The following ABCD3 variants were observed in gnomAD, a reference collection of about 807,000 sequenced individuals.
The protein encoded by ABCD3 is ATP binding cassette subfamily D member 3, also known as ATP-binding cassette sub-family D member 3.
In ABCD3, 41 loss-of-function variants were observed where a neutral mutation model predicts 105.5. That is an observed-to-expected ratio of 0.39 (90% CI 0.30 to 0.50). ABCD3 has a LOEUF of 0.50. ABCD3 is among the 20% of genes least tolerant of loss of function. ABCD3 has a pLI of 0.84. For missense variants in ABCD3, 622 were observed against 806.3 expected (o/e 0.77, Z 2.77); for synonymous variants, 258 against 269.0 (o/e 0.96, Z 0.40).
At chr1:94,438,345 A>ACACACACACAC (rs1553168372) in intron 1 of ABCD3, among the ~76,000 whole-genome samples, 1 of 108,888 alleles carries the variant, frequency 9.2e-6, no homozygotes, top group Non-Finnish European at 2.1e-5. Flanking sequence ...CACACACACA[A>ACACACACACAC]ACTTGAAAGG....
intron 4 of ABCD3, chr1:94,472,239 A>G (rs1384151996): frequency 1.0e-6 from 1 of 980,102 alleles, no homozygotes; most frequent in East Asian, 1.1e-4. Flanking sequence ...CTGCTACTCC[A>G]ATGGTAAACC....
intron 4 of ABCD3, among the ~76,000 whole-genome samples, chr1:94,469,491 G>GTTT (rs3072753): frequency 3.6e-5 from 5 of 137,288 alleles, no homozygotes; most frequent in Middle Eastern, 3.7e-3. Flanking sequence ...GTGCACATTA[G>GTTT]TTTTTTTTTT....
chr1:94,425,299 A>T (rs1222599078), intron 1 of ABCD3, among the ~76,000 whole-genome samples: 1 of 152,200 alleles, frequency 6.6e-6, no homozygotes, highest in Non-Finnish European at 1.5e-5. Flanking sequence ...TTTTACAGTT[A>T]TAACGTACAT....
intron 10 of ABCD3, among the ~76,000 whole-genome samples, chr1:94,485,094 G>T (rs1649220967): frequency 6.6e-6 from 1 of 152,118 alleles, no homozygotes; most frequent in Admixed American, 6.5e-5. Flanking sequence ...ACAAGTAGCA[G>T]GCTAGATTTG....
At chr1:94,437,803 C>T (rs1391703275) in intron 1 of ABCD3, among the ~76,000 whole-genome samples, 1 of 152,126 alleles carries the variant, frequency 6.6e-6, no homozygotes, top group African/African-American at 2.4e-5. Context: ...CCATTAAGAA[C>T]ATTTGTGGTT....
the ABCD3 span, among the ~76,000 whole-genome samples, chr1:94,396,428 C>CT: frequency 6.6e-6 from 1 of 152,164 alleles, no homozygotes; most frequent in Non-Finnish European, 1.5e-5. Context: ...ACTGCAGTTA[C>CT]TCTCAGGAGC....
upstream of ABCD3, among the ~76,000 whole-genome samples, chr1:94,417,390 T>A (rs1383749870): frequency 6.6e-6 from 1 of 152,242 alleles, no homozygotes; most frequent in Non-Finnish European, 1.5e-5. Context: ...TTTATGAGCT[T>A]ATTTTCTGAC....
At chr1:94,426,856 T>TG (rs1268101582) in intron 1 of ABCD3, among the ~76,000 whole-genome samples, 4 of 151,450 alleles carry the variant, frequency 2.6e-5, no homozygotes, top group Non-Finnish European at 5.9e-5. Flanking sequence ...GAATTTTTTT[T>TG]TTTTTTTTTT....
At chr1:94,412,345 A>G in the ABCD3 span, among the ~76,000 whole-genome samples, 1 of 152,212 alleles carries the variant, frequency 6.6e-6, no homozygotes, top group South Asian at 2.1e-4. Context: ...TCTATAAGCA[A>G]ATAAGTATAT....
chr1:94,469,745 A>G (rs1648359545), intron 4 of ABCD3, among the ~76,000 whole-genome samples: 1 of 147,026 alleles, frequency 6.8e-6, no homozygotes. Context: ...AGCTCACTGC[A>G]ACCTCTGCCT....
intron 4 of ABCD3, among the ~76,000 whole-genome samples, chr1:94,470,817 T>A (rs532039547): frequency 6.6e-6 from 1 of 152,288 alleles, no homozygotes; most frequent in African/African-American, 2.4e-5. Context: ...CCAGTGAATT[T>A]TTATTTGTTA....
chr1:94,470,605 T>G (rs1191231317), intron 4 of ABCD3, among the ~76,000 whole-genome samples: 3 of 151,998 alleles, frequency 2.0e-5, no homozygotes, highest in Non-Finnish European at 4.4e-5. Flanking sequence ...GGGCACTAGG[T>G]GAACTCTTTT....
At chr1:94,455,580 C>A (rs1647511571) in intron 1 of ABCD3, among the ~76,000 whole-genome samples, 1 of 152,168 alleles carries the variant, frequency 6.6e-6, no homozygotes, top group African/African-American at 2.4e-5. Context: ...CCACCTTAAC[C>A]TCCCAAAGTG....
intron 2 of ABCD3, 116 bp downstream of exon 2, chr1:94,458,759 C>G: frequency 1.0e-6 from 1 of 959,070 alleles, no homozygotes; most frequent in Non-Finnish European, 1.6e-6. Flanking sequence ...AAAAATACTC[C>G]AGTCTTCTAC....
the ABCD3 span, among the ~76,000 whole-genome samples, chr1:94,410,486 C>A: frequency 6.6e-6 from 1 of 152,166 alleles, no homozygotes; most frequent in African/African-American, 2.4e-5. Context: ...GCCTGTGCTT[C>A]TTTTTGCCTT....
intron 20 of ABCD3, among the ~76,000 whole-genome samples, chr1:94,505,300 T>C (rs930336350): frequency 1.3e-5 from 2 of 151,962 alleles, no homozygotes; most frequent in African/African-American, 4.8e-5. Context: ...CTTGACCTAC[T>C]GGGCTCAAGC....
chr1:94,491,115 T>A (rs1462968775), intron 15 of ABCD3, 69 bp from the exon 16 acceptor site: 1 of 1,075,176 alleles, frequency 9.3e-7, no homozygotes, highest in Non-Finnish European at 1.4e-6. Flanking sequence ...ATTTGTATTT[T>A]TGGTATTGAG....
chr1:94,406,435 G>C, the ABCD3 span: 2 of 378,192 alleles, frequency 5.3e-6, no homozygotes, highest in South Asian at 5.1e-5. Flanking sequence ...AGCAGCTCAG[G>C]TTCCTTTCCA....
intron 4 of ABCD3, among the ~76,000 whole-genome samples, chr1:94,472,802 A>G (rs996429717): frequency 1.3e-5 from 2 of 152,168 alleles, no homozygotes; most frequent in Non-Finnish European, 2.9e-5. Context: ...CACTTAGTCC[A>G]GTGTTTAAAT....
Sources: allele counts gnomAD v4.1 joint callset (sites outside exome capture counted in the v4.1 genomes callset), GRCh38; gene constraint gnomAD v4.1.1; transcripts MANE v1.5; gene names NCBI Gene and HGNC (gene_info 2026-07-23, HGNC 2026-07-21).